MCIDAS: variants seen among roughly 807,000 people sequenced by gnomAD.
The protein encoded by MCIDAS is multiciliate differentiation and DNA synthesis associated cell cycle protein, also known as multicilin.
Under a neutral mutation model 35.4 loss-of-function variants are expected in MCIDAS, and 23 were observed. That is an observed-to-expected ratio of 0.65 (90% CI 0.47 to 0.92). MCIDAS has a LOEUF of 0.92. Ranked by LOEUF, MCIDAS falls within the 40% of genes least tolerant of loss-of-function variation. The probability of loss-of-function intolerance (pLI) is 0.00; values close to 1 mark genes in which losing one functional copy is unlikely to be tolerated. For missense variants in MCIDAS, 480 were observed against 531.8 expected (o/e 0.90, Z 0.96); for synonymous variants, 228 against 235.2 (o/e 0.97, Z 0.28).
Position 55,220,448 on chromosome 5 carries a change from C to A in MCIDAS, c.1076G>T (p.Arg359Leu), listed in dbSNP as rs1561114448. ...STRIRSHSTI[R>L]TLAFPQGNAF... The stretch of plus-strand genomic sequence containing the variant: ...ATTGCCCTGGGGGAAGGCGAGGGTG[C>A]GGATGGTGCTGTGGCTGCGGATGCG... The change falls in exon 7 of 7, where the codon CGC becomes CTC. Residue 359 changes from arginine to leucine, a missense_variant. Transcript: ENST00000513312. The A allele has an allele frequency of 1.3e-6, 2 of 1,536,060 alleles. No individual in the cohort carries two copies. Among genetic ancestry groups the A allele is most frequent in the South Asian group, 2.4e-5 (2 of 84,058 alleles).
In MCIDAS at chr5:55,223,831, G is replaced by A. The variant is rs1745408355; in HGVS notation, c.310-808C>T. Among the ~76,000 whole-genome samples the A allele has an allele frequency of 6.6e-6, 1 of 152,282 alleles. No individual in the cohort carries two copies. The highest frequency in any genetic ancestry group is 1.9e-4 in the East Asian group (1 of 5,162). On this transcript the variant is annotated intron_variant, in intron 3 of 6. Transcript: ENST00000513312. The surrounding 1 kb of genome is among the most constrained non-coding windows in gnomAD (Gnocchi z 4.4). ...CATTGCTCTTTCAGTTTCCCAAAAA[G>A]TTGGGAGTACTCTTTTCTCGTACAG...
At position 55,222,290 on chromosome 5, in the gene MCIDAS, G is replaced by A. The variant is rs970773518; in HGVS notation, c.492C>T (p.Ala164=). The change falls in exon 5 of 7, where the codon GCC becomes GCT. Residue 164 remains alanine, a synonymous_variant. Transcript: ENST00000513312. ...GAGGGCGCAGCGGTGGTGACTGCAG[G>A]GCCCGTGGGTCCAGTGGCGGGGAGA... is the stretch of plus-strand genomic sequence containing the variant. ...PCLSPPLDPR[A]LQSPPLRPPD... The A allele has an allele frequency of 2.0e-6, 3 of 1,535,874 alleles. No individual in the cohort carries two copies. Among genetic ancestry groups the A allele is most frequent in the African/African-American group, 2.7e-5 (2 of 73,050 alleles).
In MCIDAS at chr5:55,222,133, G is replaced by A. The variant is rs753629499; in HGVS notation, c.606+43C>T. 14 of 1,523,614 alleles carry A rather than the reference G, an allele frequency of 9.2e-6. No homozygotes were observed. In the East Asian group the frequency reaches 2.0e-4, roughly 21 times the overall value. The allele number at this position is 1,523,614 out of a possible 1,614,324, so 94.4% of individuals were successfully genotyped here. ...ACCCCACTTCCACCCTCTATATCCT[G>A]TCCCTGCCCCAGGATTCCTGGTCGC... On this transcript the variant is annotated intron_variant, in intron 5 of 6. Coordinates refer to ENST00000513312, the MANE Select transcript of MCIDAS (RefSeq NM_001190787.3).
At position 55,227,044 on chromosome 5, in the gene MCIDAS, C is replaced by A. The variant is rs1745471561; in HGVS notation, c.95G>T (p.Cys32Phe). 6.6e-7 allele frequency: 1 copy of A among 1,519,678 alleles called. No individual in the cohort carries two copies. 94.1% of individuals were successfully genotyped at this position (1,519,678 alleles called of 1,614,324 possible). A position where few individuals can be genotyped will look rare whatever the true frequency, so the allele number is the denominator to read the frequency against. Reference protein sequence around the residue: ...MLALPGRALLCKPGKPERKFA... With the variant: ...MLALPGRALLFKPGKPERKFA... ...CTTCCTCTCCGGCTTCCCCGGCTTG[C>A]AGAGCAGCGCCCGGCCCGGCAGTGC... The change falls in exon 1 of 7, where the codon TGC becomes TTC. Residue 32 changes from cysteine (C) to phenylalanine (F), a missense_variant. By Grantham distance (205) the Cys-to-Phe change is radical. Transcript: ENST00000513312.
In MCIDAS at chr5:55,223,163, C is replaced by G; in HGVS notation, c.310-140G>C. Reference sequence around the variant, plus strand: ...CACAACTGCACTTGTACCCCTAAGTCCCCCCAAATAAAACAATTTTTGTGG... The same window carrying G: ...CACAACTGCACTTGTACCCCTAAGTGCCCCCAAATAAAACAATTTTTGTGG... On this transcript the variant is annotated intron_variant, in intron 3 of 6. Transcript: ENST00000513312. This position sits in a 1 kb window ranked among gnomAD's most constrained non-coding sequence, Gnocchi z 4.4. 1 of 679,444 alleles carries G rather than the reference C, an allele frequency of 1.5e-6. No individual in the cohort carries two copies. Among genetic ancestry groups the G allele is most frequent in the Non-Finnish European group, 2.5e-6 (1 of 404,780 alleles). 42.1% of individuals were successfully genotyped at this position (679,444 alleles called of 1,614,324 possible).
intron 6 of MCIDAS, 77 bp downstream of exon 6, chr5:55,220,939 C>A: frequency 6.9e-7 from 1 of 1,459,832 alleles, no homozygotes; most frequent in Non-Finnish European, 9.2e-7. Flanking sequence ...CCCCACGGGT[C>A]CCGATGCTGG....
Position 55,225,020 on chromosome 5 carries a change from C to T in MCIDAS, c.309+1556G>A, listed in dbSNP as rs565664519. ...TTCAAGACCAGCTTGGGTGACATGG[C>T]GAATCCCCATCTGTACAAAAAGTAC... On this transcript the variant is annotated intron_variant, in intron 3 of 6. Coordinates refer to ENST00000513312, the MANE Select transcript of MCIDAS (RefSeq NM_001190787.3). 3.3e-5 allele frequency among the ~76,000 whole-genome samples: 5 copies of T among 152,128 alleles called. No homozygotes were observed. The East Asian group carries it at 5.8e-4, about 18-fold the overall frequency.
intron 6 of MCIDAS, 64 bp downstream of exon 6, chr5:55,220,952 G>T: frequency 6.8e-7 from 1 of 1,462,594 alleles, no homozygotes; most frequent in Non-Finnish European, 9.2e-7. Context: ...GATGCTGGGC[G>T]GGGATGCACT....
chr5:55,223,107 C>A lies in MCIDAS; in HGVS notation c.310-84G>T. On this transcript the variant is annotated intron_variant, in intron 3 of 6. Coordinates refer to ENST00000513312, the MANE Select transcript of MCIDAS (RefSeq NM_001190787.3). This position sits in a 1 kb window ranked among gnomAD's most constrained non-coding sequence, Gnocchi z 4.4. ...AAATATTGGCGTCCCTGTTAAAAAT[C>A]TGGCAGGCACTATGCAATATATGCA... 2 of 1,111,070 alleles carry A rather than the reference C, an allele frequency of 1.8e-6. No homozygotes were observed. The highest frequency in any genetic ancestry group is 2.6e-6 in the Non-Finnish European group (2 of 762,168). The allele number at this position is 1,111,070 out of a possible 1,614,324, so 68.8% of individuals were successfully genotyped here. A position where few individuals can be genotyped will look rare whatever the true frequency, so the allele number is the denominator to read the frequency against.
intron 3 of MCIDAS, among the ~76,000 whole-genome samples, chr5:55,225,225 A>G (rs1272273182): frequency 2.6e-5 from 4 of 152,184 alleles, no homozygotes; most frequent in Non-Finnish European, 5.9e-5. Context: ...GAAAAAGAAA[A>G]TAAACAAAAT....
In MCIDAS at chr5:55,220,801, C is replaced by G. The variant is rs1303900412; in HGVS notation, c.723G>C (p.Leu241=). Residue 241 remains leucine, a synonymous_variant, in exon 7 of 7, where the codon CTG becomes CTC. Transcript: ENST00000513312. ...TRHLASVLDK[L]MITQSRDCGA... is the part of the protein sequence containing the mutation. ...CACAATCCCGGGACTGTGTGATCAT[C>G]AGCTTCTACGAAAGACAGGGAAGAG... 6.6e-7 allele frequency: 1 copy of G among 1,523,750 alleles called. No homozygotes were observed. The highest frequency in any genetic ancestry group is 8.8e-7 in the Non-Finnish European group (1 of 1,137,440). The allele number at this position is 1,523,750 out of a possible 1,614,324, so 94.4% of individuals were successfully genotyped here. A position where few individuals can be genotyped will look rare whatever the true frequency, so the allele number is the denominator to read the frequency against.
At position 55,220,487 on chromosome 5, in the gene MCIDAS, C is replaced by G. The variant is rs1383182027; in HGVS notation, c.1037G>C (p.Gly346Ala). 1.0e-5 allele frequency: 16 copies of G among 1,535,902 alleles called. No individual in the cohort carries two copies. Among genetic ancestry groups the G allele is most frequent in the African/African-American group, 1.4e-5 (1 of 73,026 alleles). The change falls in exon 7 of 7, where the codon GGC (glycine) becomes GCC (alanine). Residue 346 changes from glycine to alanine, a missense_variant. Gly to Ala is a moderately conservative substitution (Grantham distance 60, BLOSUM62 0). Transcript: ENST00000513312. ...NLSHSELEEG[G>A]SFSTRIRSHS... ...GCTGCGGATGCGGGTGCTGAAGGAGCCGCCCTCCTCCAGCTCACTGTGGCT... is the reference window on the plus strand; with the variant it reads ...GCTGCGGATGCGGGTGCTGAAGGAGGCGCCCTCCTCCAGCTCACTGTGGCT...
At chr5:55,221,180 G>T in intron 5 of MCIDAS, 54 bp from the exon 6 acceptor site, 1 of 1,285,856 alleles carries the variant, frequency 7.8e-7, no homozygotes, top group Non-Finnish European at 1.1e-6. Context: ...GGTCTCGTCT[G>T]CATATCTGGC....
At chr5:55,221,914 G>A (rs1745364284) in intron 5 of MCIDAS, among the ~76,000 whole-genome samples, 1 of 151,584 alleles carries the variant, frequency 6.6e-6, no homozygotes, top group Non-Finnish European at 1.5e-5. Flanking sequence ...GACAGAGCGA[G>A]ACTCCGTCTC....
At chr5:55,222,886 A>G in intron 4 of MCIDAS, 65 bp downstream of exon 4, 2 of 1,407,538 alleles carry the variant, frequency 1.4e-6, no homozygotes, top group South Asian at 2.5e-5. Context: ...CGAAATCTGA[A>G]CTAGTCTGAT....
chr5:55,221,201 C>A, intron 5 of MCIDAS, 75 bp from the exon 6 acceptor site: 1 of 1,027,902 alleles, frequency 9.7e-7, no homozygotes, highest in South Asian at 1.5e-5. Flanking sequence ...ATGAATCAAA[C>A]CCAGATCCTG....
Position 55,220,615 on chromosome 5 carries a change from G to A in MCIDAS, c.909C>T (p.Pro303=). Residue 303 remains proline (P), a synonymous_variant, in exon 7 of 7, where the codon CCC becomes CCT. Coordinates refer to ENST00000513312, the MANE Select transcript of MCIDAS (RefSeq NM_001190787.3). ...TATTCGCGGGCTCTGGCAGCAGTCGGGGCCGCTTGGGATCGCGGCTCTGAA... is the reference window on the plus strand; with the variant it reads ...TATTCGCGGGCTCTGGCAGCAGTCGAGGCCGCTTGGGATCGCGGCTCTGAA... ...EALQSRDPKR[P]RLLPEPANTD... 4 of 1,536,092 alleles carry A rather than the reference G, an allele frequency of 2.6e-6. No homozygotes were observed. Among genetic ancestry groups the A allele is most frequent in the Non-Finnish European group, 3.5e-6 (4 of 1,146,888 alleles).
chr5:55,221,005 GC>G lies in MCIDAS; in HGVS notation c.717+10del, dbSNP rs1561114903. The G allele has an allele frequency of 6.5e-7, 1 of 1,532,374 alleles. No homozygotes were observed. Among genetic ancestry groups the G allele is most frequent in the East Asian group, 2.4e-5 (1 of 40,890 alleles). The allele number at this position is 1,532,374 out of a possible 1,614,324, so 94.9% of individuals were successfully genotyped here. A position where few individuals can be genotyped will look rare whatever the true frequency, so the allele number is the denominator to read the frequency against. On this transcript the variant is annotated intron_variant, in intron 6 of 6. Coordinates refer to ENST00000513312, the MANE Select transcript of MCIDAS (RefSeq NM_001190787.3). ...CGTGCTGCAGTTCCCACACGCCCGC[GC>G]CCCACTTACATCCAGCACCGAGGCC...
chr5:55,222,884 G>T, intron 4 of MCIDAS, 67 bp downstream of exon 4: 3 of 1,383,710 alleles, frequency 2.2e-6, no homozygotes, highest in Non-Finnish European at 3.0e-6. Flanking sequence ...CACGAAATCT[G>T]AACTAGTCTG....
Sources: allele counts gnomAD v4.1 joint callset (sites outside exome capture counted in the v4.1 genomes callset), GRCh38; gene constraint gnomAD v4.1.1; non-coding constraint Gnocchi (gnomAD v3.1); transcripts MANE v1.5; gene names NCBI Gene and HGNC (gene_info 2026-07-23, HGNC 2026-07-21).